The following INPP5D variants were observed in gnomAD, a reference collection of about 807,000 sequenced individuals.
INPP5D encodes the protein phosphatidylinositol 3,4,5-trisphosphate 5-phosphatase 1.
In INPP5D, 33 loss-of-function variants were observed where a neutral mutation model predicts 122.9. The observed-to-expected ratio is 0.27, with a 90% CI of 0.20 to 0.36. INPP5D has a LOEUF of 0.36. Ranked by LOEUF, INPP5D falls within the 10% of genes least tolerant of loss-of-function variation. The pLI is 1.00. For missense variants in INPP5D, 1,053 were observed against 1,412.7 expected (o/e 0.75, Z 4.08); for synonymous variants, 584 against 576.2 (o/e 1.01, Z -0.19).
At chr2:233,134,886 C>T (rs1693424989) in intron 5 of INPP5D, among the ~76,000 whole-genome samples, 1 of 152,064 alleles carries the variant, frequency 6.6e-6, no homozygotes, top group Admixed American at 6.5e-5. Context: ...GTTTTCCAAT[C>T]AAATTTCAAA....
intron 22 of INPP5D, among the ~76,000 whole-genome samples, chr2:233,191,948 C>T (rs769616469): frequency 1.4e-4 from 21 of 152,192 alleles, no homozygotes; most frequent in Non-Finnish European, 1.3e-4. Context: ...TGGGCACTGT[C>T]GCTCCCCTCC....
intron 2 of INPP5D, among the ~76,000 whole-genome samples, chr2:233,101,923 GC>G (rs1203321665): frequency 6.6e-6 from 1 of 151,840 alleles, no homozygotes; most frequent in Non-Finnish European, 1.5e-5. Flanking sequence ...ATTCTTCTGA[GC>G]TTCAGTTTAT....
chr2:233,125,488 G>A (rs538018330), intron 3 of INPP5D, among the ~76,000 whole-genome samples: 1 of 152,344 alleles, frequency 6.6e-6, no homozygotes, highest in East Asian at 1.9e-4. Context: ...AGCCCTGCAG[G>A]CCTTCCAGAC....
At chr2:233,065,576 TTTCC>T (rs770047622) in intron 1 of INPP5D, among the ~76,000 whole-genome samples, 64,157 of 89,590 alleles carry the variant, frequency 0.72, 27,078 homozygotes, top group East Asian at 0.86. Flanking sequence ...TCTTTCTTTC[TTTCC>T]TTCTTTCTTT....
At chr2:233,074,754 A>G (rs72982257) in intron 1 of INPP5D, among the ~76,000 whole-genome samples, 1 of 152,296 alleles carries the variant, frequency 6.6e-6, no homozygotes, top group Non-Finnish European at 1.5e-5. Flanking sequence ...ATGATACGTA[A>G]CAAGAGTCAC....
At chr2:233,061,296 T>C (rs2106373217) in intron 1 of INPP5D, among the ~76,000 whole-genome samples, 1 of 147,492 alleles carries the variant, frequency 6.8e-6, no homozygotes, top group East Asian at 2.0e-4. Flanking sequence ...TTACTGAATG[T>C]ACCAGCTGTG....
intron 2 of INPP5D, among the ~76,000 whole-genome samples, chr2:233,106,287 T>C (rs955405674): frequency 8.5e-5 from 13 of 152,180 alleles, no homozygotes; most frequent in African/African-American, 3.1e-4. Context: ...CAGGCTGGAC[T>C]CCAGGTTTCT....
chr2:233,157,038 G>T (rs748170643), intron 9 of INPP5D, among the ~76,000 whole-genome samples: 1 of 152,190 alleles, frequency 6.6e-6, no homozygotes, highest in Non-Finnish European at 1.5e-5. Context: ...ATGGAACAAG[G>T]TTCCAGAGTC....
In INPP5D at chr2:233,194,003, A is replaced by G. The variant is rs747581895; in HGVS notation, c.2596+42A>G. 16 of 1,530,224 alleles carry G rather than the reference A, an allele frequency of 1.0e-5. 1 individual carries two copies. Among genetic ancestry groups the G allele is most frequent in the East Asian group, 9.2e-5 (4 of 43,258 alleles). 94.8% of individuals were successfully genotyped at this position (1,530,224 alleles called of 1,614,324 possible). A position where few individuals can be genotyped will look rare whatever the true frequency, so the allele number is the denominator to read the frequency against. ...TCCCCAGCGCCCTCTTCAGCCCCCC[A>G]CTTAGGGACGGGAACGTGCTTTCTC... On this transcript the variant is annotated intron_variant, in intron 23 of 26. Coordinates refer to ENST00000445964, the MANE Select transcript of INPP5D (RefSeq NM_001017915.3).
intron 2 of INPP5D, among the ~76,000 whole-genome samples, chr2:233,118,314 C>T (rs1281467929): frequency 6.6e-6 from 1 of 152,154 alleles, no homozygotes; most frequent in Non-Finnish European, 1.5e-5. Context: ...GTTCAGAATG[C>T]AACACCATGT....
At position 233,164,566 on chromosome 2, in the gene INPP5D, A is replaced by G. The variant is rs1388992563; in HGVS notation, c.1555+142A>G. 12 of 1,270,092 alleles carry G rather than the reference A, an allele frequency of 9.4e-6. No individual in the cohort carries two copies. Among genetic ancestry groups the G allele is most frequent in the Non-Finnish European group, 1.1e-5 (11 of 975,062 alleles). The allele number at this position is 1,270,092 out of a possible 1,614,324, so 78.7% of individuals were successfully genotyped here. ...CAGATCCTGGCTCAGTCCTCAGCAA[A>G]TAGGGGTGATTGGTCTCCCTGGCTG... On this transcript the variant is annotated intron_variant, in intron 13 of 26. Transcript: ENST00000445964. The surrounding 1 kb of genome is among the most constrained non-coding windows in gnomAD (Gnocchi z 4.3).
At chr2:233,081,504 G>T (rs964092251) in intron 2 of INPP5D, among the ~76,000 whole-genome samples, 9 of 152,160 alleles carry the variant, frequency 5.9e-5, no homozygotes, top group Non-Finnish European at 1.3e-4. Flanking sequence ...GGCACCCGCC[G>T]CCTGTAAATG....
At chr2:233,161,944 G>T in intron 11 of INPP5D, 118 bp downstream of exon 11, 1 of 1,427,518 alleles carries the variant, frequency 7.0e-7, no homozygotes, top group Non-Finnish European at 9.3e-7. Context: ...CTGCCCCAGG[G>T]CCCTGCCCCT....
chr2:233,093,541 T>G (rs538402497), intron 2 of INPP5D, among the ~76,000 whole-genome samples: 1 of 23,872 alleles, frequency 4.2e-5, no homozygotes, highest in Admixed American at 3.9e-4. Flanking sequence ...TAGCCAGGCA[T>G]GGTGGCGAGT....
chr2:233,131,802 TTAC>T (rs1266996305), intron 5 of INPP5D, among the ~76,000 whole-genome samples: 2 of 152,258 alleles, frequency 1.3e-5, no homozygotes, highest in African/African-American at 4.8e-5. Flanking sequence ...TTGTGTTTTA[TTAC>T]ACATACAGCC....
At chr2:233,089,209 C>A (rs1320279820) in intron 2 of INPP5D, among the ~76,000 whole-genome samples, 7 of 152,160 alleles carry the variant, frequency 4.6e-5, no homozygotes. Flanking sequence ...GGCCCCACAA[C>A]TCCCACCTGG....
At chr2:233,085,396 A>T (rs1691803658) in intron 2 of INPP5D, among the ~76,000 whole-genome samples, 2 of 152,132 alleles carry the variant, frequency 1.3e-5, no homozygotes, top group Non-Finnish European at 2.9e-5. Context: ...GAAAAAAAAA[A>T]AAAAGAATGT....
At chr2:233,075,495 A>G (rs762449259) in intron 1 of INPP5D, among the ~76,000 whole-genome samples, 1 of 133,772 alleles carries the variant, frequency 7.5e-6, no homozygotes, top group African/African-American at 2.5e-5. Flanking sequence ...AACATTTTGC[A>G]TGCAAGATAT....
At chr2:233,200,736 A>T (rs568359886) in intron 25 of INPP5D, among the ~76,000 whole-genome samples, 1 of 152,102 alleles carries the variant, frequency 6.6e-6, no homozygotes, top group Non-Finnish European at 1.5e-5. Flanking sequence ...AGGTGGGCAG[A>T]TCACTTGAGG....
Sources: gnomAD v4.1 joint callset for allele counts (sites outside exome capture counted in the v4.1 genomes callset) on GRCh38, gnomAD v4.1.1 for gene constraint, Gnocchi (gnomAD v3.1) non-coding constraint, MANE v1.5 for transcripts, NCBI Gene and HGNC (gene_info 2026-07-23, HGNC 2026-07-21) for gene names.